The following ANPEP variants were observed in gnomAD, a reference collection of about 807,000 sequenced individuals.
ANPEP encodes the protein alanyl aminopeptidase, membrane, also known as aminopeptidase N.
Under a neutral mutation model 114.6 loss-of-function variants are expected in ANPEP, and 70 were observed. The observed-to-expected ratio is 0.61, with a 90% CI of 0.50 to 0.75. The LOEUF (loss-of-function observed/expected upper bound fraction) is 0.75, where lower values mean the gene tolerates loss of function less well. Among genes scored for constraint, ANPEP ranks in the 30% least tolerant of loss-of-function variants. The probability of loss-of-function intolerance (pLI) is 0.00; values close to 1 mark genes in which losing one functional copy is unlikely to be tolerated. For synonymous variants in ANPEP, 548 were observed against 522.3 expected, an observed-to-expected ratio of 1.05 and a Z score of -0.67; for missense variants, 1,184 against 1,259.5, an observed-to-expected ratio of 0.94 and a Z score of 0.91.
intron 12 of ANPEP, 47 bp downstream of exon 12, chr15:89,801,064 A>T (rs1297484001): frequency 6.5e-7 from 1 of 1,539,234 alleles, no homozygotes; most frequent in Non-Finnish European, 9.0e-7. Flanking sequence ...GCCAGGAGCT[A>T]GGAGTATGGG....
intron 15 of ANPEP, among the ~76,000 whole-genome samples, chr15:89,795,093 A>G (rs1273781596): frequency 2.8e-5 from 1 of 36,096 alleles, no homozygotes; most frequent in East Asian, 3.4e-4. Context: ...AGTCAATGGA[A>G]AAAAAAAAAA....
At chr15:89,793,650 C>T (rs1314234786) in intron 15 of ANPEP, among the ~76,000 whole-genome samples, 2 of 142,930 alleles carry the variant, frequency 1.4e-5, no homozygotes, top group Non-Finnish European at 3.0e-5. Flanking sequence ...TTACAGTGAG[C>T]TGTGATCACG....
rs1968723832 is a variant in ANPEP at position 89,796,246 on chromosome 15, T to C, written c.2157+1329A>G. On this transcript the variant is annotated intron_variant, in intron 15 of 20. Coordinates refer to ENST00000300060, the MANE Select transcript of ANPEP (RefSeq NM_001150.3). ...AAACAAACAAAAACTTGACCTATTG[T>C]GTGATACATTTGTAACTGTGTACAA... Among the ~76,000 whole-genome samples the C allele has an allele frequency of 2.0e-5, 3 of 152,210 alleles. No homozygotes were observed. In the South Asian group the frequency reaches 6.2e-4, roughly 31 times the overall value.
Position 89,806,375 on chromosome 15 carries a change from G to T in ANPEP, c.209C>A (p.Ala70Glu), listed in dbSNP as rs1015687921. 5 of 1,614,148 alleles carry T rather than the reference G, an allele frequency of 3.1e-6. No individual in the cohort carries two copies. The highest frequency in any genetic ancestry group is 1.1e-5 in the South Asian group (1 of 91,078). ...GTTGGGGAGGCGGTAACGATTCCAC[G>T]CTTTACTTTGGTCCAAGGTGGTGGC... Reference protein sequence around the residue: ...ASATTLDQSKAWNRYRLPNTL... With the variant: ...ASATTLDQSKEWNRYRLPNTL... The change falls in exon 2 of 21, where the codon GCG becomes GAG. Residue 70 changes from alanine (A) to glutamate (E), a missense_variant. Coordinates refer to ENST00000300060, the MANE Select transcript of ANPEP (RefSeq NM_001150.3). This position sits in a 1 kb window ranked among gnomAD's most constrained non-coding sequence, Gnocchi z 5.7.
At chr15:89,804,032 C>T (rs778257829) in intron 6 of ANPEP, 30 bp from the exon 7 acceptor site, 3 of 1,609,338 alleles carry the variant, frequency 1.9e-6, no homozygotes, top group Non-Finnish European at 2.6e-6. Context: ...CTGGGCAAGC[C>T]ACGCCCAGGC....
In ANPEP at chr15:89,805,188, T is replaced by C. The variant is rs774663367; in HGVS notation, c.787A>G (p.Asn263Asp). 3 of 1,614,130 alleles carry C rather than the reference T, an allele frequency of 1.9e-6. No individual in the cohort carries two copies. The highest frequency in any genetic ancestry group is 2.2e-5 in the South Asian group (2 of 91,078). Residue 263 changes from asparagine to aspartate, a missense_variant, in exon 4 of 21, where the codon AAC becomes GAC. Physicochemically the swap from Asn to Asp is conservative, Grantham distance 23 (BLOSUM62 1). Coordinates refer to ENST00000300060, the MANE Select transcript of ANPEP (RefSeq NM_001150.3). Reference protein sequence around the residue: ...GPSTPLPEDPNWNVTEFHTTP... With the variant: ...GPSTPLPEDPDWNVTEFHTTP... ...GTGTGGAACTCAGTGACATTCCAGT[T>C]GGGGTCTTCTGGAAGTGGGGTGCTG...
chr15:89,803,483 A>T lies in ANPEP; in HGVS notation c.1462T>A (p.Ser488Thr), dbSNP rs1894638173. The T allele has an allele frequency of 6.2e-7, 1 of 1,607,090 alleles. No individual in the cohort carries two copies. The highest frequency in any genetic ancestry group is 1.7e-5 in the Admixed American group (1 of 59,032). ...SKGASVLRML[S>T]SFLSEDVFKQ... is the part of the protein sequence containing the mutation. ...AATACGTCCTCGGACAGGAAGCTGGAGAGCATCCTGAGGACTGAGGCGCCC... is the reference window on the plus strand; with the variant it reads ...AATACGTCCTCGGACAGGAAGCTGGTGAGCATCCTGAGGACTGAGGCGCCC... Residue 488 changes from serine to threonine, a missense_variant, in exon 9 of 21, where the codon TCC becomes ACC. Transcript: ENST00000300060. The surrounding 1 kb of genome is among the most constrained non-coding windows in gnomAD (Gnocchi z 4.2).
In ANPEP at chr15:89,804,773, C is replaced by T. The variant is rs192626166; in HGVS notation, c.898-156G>A. 39 of 1,098,214 alleles carry T rather than the reference C, an allele frequency of 3.6e-5. 1 individual carries two copies. The East Asian group carries it at 4.2e-4, about 12-fold the overall frequency. The allele number at this position is 1,098,214 out of a possible 1,614,324, so 68.0% of individuals were successfully genotyped here. ...TAGAGGCCTGGTCAGCAGAGGGGAA[C>T]GCTACTGGGGTCTGGAGGCTGTGGG... On this transcript the variant is annotated intron_variant, in intron 4 of 20. Coordinates refer to ENST00000300060, the MANE Select transcript of ANPEP (RefSeq NM_001150.3).
intron 1 of ANPEP, among the ~76,000 whole-genome samples, chr15:89,810,168 A>T (rs886110399): frequency 6.6e-6 from 1 of 152,146 alleles, no homozygotes; most frequent in African/African-American, 2.4e-5. Context: ...TCACGAGGTC[A>T]GGAGTTGGAG....
At chr15:89,813,633 C>G (rs1894853887) in intron 1 of ANPEP, among the ~76,000 whole-genome samples, 1 of 152,126 alleles carries the variant, frequency 6.6e-6, no homozygotes, top group South Asian at 2.1e-4. Flanking sequence ...CCAGCTCCCC[C>G]ATACCCACTG....
chr15:89,791,224 C>G, intron 18 of ANPEP, 131 bp from the exon 19 acceptor site: 3 of 1,039,322 alleles, frequency 2.9e-6, no homozygotes, highest in Non-Finnish European at 4.2e-6. Context: ...GGCTGAGGGA[C>G]CCCTTGGTCC....
chr15:89,803,616 T>G lies in ANPEP; in HGVS notation c.1437+31A>C. 1 of 1,604,282 alleles carries G rather than the reference T, an allele frequency of 6.2e-7. No individual in the cohort carries two copies. Among genetic ancestry groups the G allele is most frequent in the Non-Finnish European group, 8.5e-7 (1 of 1,174,368 alleles). On this transcript the variant is annotated intron_variant, in intron 8 of 20. Transcript: ENST00000300060. The surrounding 1 kb of genome is among the most constrained non-coding windows in gnomAD (Gnocchi z 4.2). The stretch of plus-strand genomic sequence containing the variant: ...CCCTCCAGGCCAAGTCCCCACCTCC[T>G]TCCCCGTGCCCCACGAGGAGCGGGC...
At chr15:89,809,597 G>A (rs950894902) in intron 1 of ANPEP, among the ~76,000 whole-genome samples, 1 of 152,164 alleles carries the variant, frequency 6.6e-6, no homozygotes, top group African/African-American at 2.4e-5. Context: ...CACACAAAAG[G>A]GCTTCCCTCG....
At chr15:89,791,465 TCTCA>T (rs1335113115) in intron 18 of ANPEP, among the ~76,000 whole-genome samples, 1 of 151,856 alleles carries the variant, frequency 6.6e-6, no homozygotes, top group Non-Finnish European at 1.5e-5. Flanking sequence ...CGAGACGGAG[TCTCA>T]CTCTGTCGCC....
In ANPEP at chr15:89,805,156, G is replaced by A; in HGVS notation, c.819C>T (p.Pro273=). The change falls in exon 4 of 21, where the codon CCC becomes CCT. Residue 273 remains proline (P), a synonymous_variant. Transcript: ENST00000300060. ...NWNVTEFHTT[P]KMSTYLLAFI... ...AGGCCAGCAAGTACGTGGACATCTT[G>A]GGCGTGGTGTGGAACTCAGTGACAT... is the stretch of plus-strand genomic sequence containing the variant. The A allele has an allele frequency of 1.2e-6, 2 of 1,614,234 alleles. No homozygotes were observed. Among genetic ancestry groups the A allele is most frequent in the Non-Finnish European group, 1.7e-6 (2 of 1,180,034 alleles).
At chr15:89,796,818 T>C (rs530934603) in intron 15 of ANPEP, among the ~76,000 whole-genome samples, 1 of 152,078 alleles carries the variant, frequency 6.6e-6, no homozygotes, top group Non-Finnish European at 1.5e-5. Flanking sequence ...CATTTTTTAA[T>C]GAAAAAAGAT....
intron 3 of ANPEP, 35 bp from the exon 4 acceptor site, chr15:89,805,252 C>T: frequency 6.2e-7 from 1 of 1,613,678 alleles, no homozygotes; most frequent in East Asian, 2.2e-5. Context: ...AGGACGTACC[C>T]TCCTGCCCCA....
At chr15:89,813,380 A>G (rs1398306685) in intron 1 of ANPEP, among the ~76,000 whole-genome samples, 2 of 152,196 alleles carry the variant, frequency 1.3e-5, no homozygotes, top group African/African-American at 4.8e-5. Context: ...GCCAGCGTGT[A>G]ACGAAGGTCT....
intron 20 of ANPEP, among the ~76,000 whole-genome samples, chr15:89,788,130 T>A (rs11857950): frequency 0.029 from 4,455 of 152,326 alleles, 217 homozygotes; most frequent in African/African-American, 0.098. Flanking sequence ...ATTCCGCTCC[T>A]AGGTGTATAC....
Sources: gnomAD v4.1 joint callset for allele counts (sites outside exome capture counted in the v4.1 genomes callset) on GRCh38, gnomAD v4.1.1 for gene constraint, Gnocchi (gnomAD v3.1) non-coding constraint, MANE v1.5 for transcripts, NCBI Gene and HGNC (gene_info 2026-07-23, HGNC 2026-07-21) for gene names.